CAMTA1: variants seen among roughly 807,000 people sequenced by gnomAD.
CAMTA1 encodes calmodulin-binding transcription activator 1.
Under a neutral mutation model 170.9 loss-of-function variants are expected in CAMTA1, and 27 were observed. The observed-to-expected ratio is 0.16, with a 90% CI of 0.12 to 0.22. CAMTA1 has a LOEUF of 0.22. Ranked by LOEUF, CAMTA1 falls within the 10% of genes least tolerant of loss-of-function variation. The probability of loss-of-function intolerance (pLI) is 1.00; values close to 1 mark genes in which losing one functional copy is unlikely to be tolerated. For synonymous variants in CAMTA1, 833 were observed against 891.5 expected, an observed-to-expected ratio of 0.93 and a Z score of 1.17; for missense variants, 1,619 against 2,217.2, an observed-to-expected ratio of 0.73 and a Z score of 5.42.
At chr1:7,712,662 A>G in intron 11 of CAMTA1, among the ~76,000 whole-genome samples, 1 of 152,212 alleles carries the variant, frequency 6.6e-6, no homozygotes, top group Non-Finnish European at 1.5e-5. Context: ...GAGTGAAAGA[A>G]ATCTTTCTGA....
intron 3 of CAMTA1, among the ~76,000 whole-genome samples, chr1:7,026,215 A>G (rs1460031955): frequency 6.6e-6 from 1 of 152,146 alleles, no homozygotes; most frequent in Non-Finnish European, 1.5e-5. Context: ...AGGGACCTGC[A>G]AGGGATGAAG....
In CAMTA1 at chr1:7,635,118, A is replaced by G. The variant is rs552875341; in HGVS notation, c.511-5282A>G. ...CAGGCCTCCAGGAAAGCAAGGGCTC[A>G]TCTCCAAAGGTCACGATCACTTTGG... On this transcript the variant is annotated intron_variant, in intron 6 of 22. Transcript: ENST00000303635. This position sits in a 1 kb window ranked among gnomAD's most constrained non-coding sequence, Gnocchi z 4.4. Among the ~76,000 whole-genome samples the G allele has an allele frequency of 6.3e-4, 96 of 152,300 alleles. No individual in the cohort carries two copies. Among genetic ancestry groups the G allele is most frequent in the African/African-American group, 2.1e-3 (89 of 41,570 alleles).
chr1:7,480,197 A>C (rs1557782803), intron 6 of CAMTA1, among the ~76,000 whole-genome samples: 1 of 84,020 alleles, frequency 1.2e-5, no homozygotes, highest in Non-Finnish European at 2.1e-5. Context: ...ATGTGTGTGC[A>C]TGTGTGTGAG....
chr1:7,705,363 A>G (rs1229882425), intron 11 of CAMTA1, among the ~76,000 whole-genome samples: 2 of 130,436 alleles, frequency 1.5e-5, no homozygotes, highest in African/African-American at 2.9e-5. Context: ...CGAGGGCGTG[A>G]GGGGCGCGCG....
chr1:7,152,250 C>T (rs541339963), intron 4 of CAMTA1, among the ~76,000 whole-genome samples: 15 of 152,328 alleles, frequency 9.8e-5, no homozygotes, highest in Non-Finnish European at 1.8e-4. Context: ...AGCCCTTTGT[C>T]TCAGCTCTTT....
chr1:7,477,213 C>T (rs1289143537), intron 6 of CAMTA1, among the ~76,000 whole-genome samples: 1 of 152,120 alleles, frequency 6.6e-6, no homozygotes, highest in African/African-American at 2.4e-5. Flanking sequence ...GAAGCCGCCT[C>T]GAAAGCTTCA....
At position 7,737,939 on chromosome 1, in the gene CAMTA1, C is replaced by G; in HGVS notation, c.3659-20C>G. 6.3e-7 allele frequency: 1 copy of G among 1,577,354 alleles called. No homozygotes were observed. Among genetic ancestry groups the G allele is most frequent in the Non-Finnish European group, 8.6e-7 (1 of 1,159,006 alleles). ...AGTTGTATCTCCTGTCCTGACTATCCTTTCTACTGTACTTTTCAGAGCTGA... is the reference window on the plus strand; with the variant it reads ...AGTTGTATCTCCTGTCCTGACTATCGTTTCTACTGTACTTTTCAGAGCTGA... On this transcript the variant is annotated intron_variant, in intron 15 of 22. Transcript: ENST00000303635.
At chr1:6,871,583 T>TA (rs55944233) in intron 3 of CAMTA1, among the ~76,000 whole-genome samples, 22,314 of 151,670 alleles carry the variant, frequency 0.15, 2,045 homozygotes, top group Admixed American at 0.29. Context: ...ATGGTTAAAT[T>TA]AAAAAAAAAT....
chr1:7,393,500 A>G (rs977446714), intron 5 of CAMTA1, among the ~76,000 whole-genome samples: 2 of 151,298 alleles, frequency 1.3e-5, no homozygotes, highest in African/African-American at 4.9e-5. Context: ...CTGGTCTCCA[A>G]CTCCTGGGCT....
chr1:7,306,881 A>G, intron 5 of CAMTA1, among the ~76,000 whole-genome samples: 1 of 152,048 alleles, frequency 6.6e-6, no homozygotes, highest in East Asian at 1.9e-4. Flanking sequence ...AGTAAAAAAT[A>G]CAGTATAACA....
chr1:7,575,051 C>T (rs2095174176), intron 6 of CAMTA1, among the ~76,000 whole-genome samples: 1 of 152,220 alleles, frequency 6.6e-6, no homozygotes, highest in Admixed American at 6.5e-5. Flanking sequence ...CTGTCTGTGC[C>T]TCTGTGGTCT....
intron 6 of CAMTA1, among the ~76,000 whole-genome samples, chr1:7,624,218 G>T (rs1433122134): frequency 1.1e-4 from 16 of 152,228 alleles, no homozygotes; most frequent in Admixed American, 8.5e-4. Flanking sequence ...GTGCAGAGAT[G>T]AGGACCACAG....
intron 9 of CAMTA1, 68 bp from the exon 10 acceptor site, chr1:7,670,843 G>T: frequency 6.4e-7 from 1 of 1,570,810 alleles, no homozygotes; most frequent in African/African-American, 1.3e-5. Context: ...AGCCTCAGGG[G>T]GGCTTCCCCA....
rs372060119 is a variant in CAMTA1 at position 7,681,104 on chromosome 1, C to T, written c.2914+3371C>T. ...GGAGGAATCGCAGCCTTCTGGATCC[C>T]GGAGCTGCAGCGCCTCCCCCAGACC... is the stretch of plus-strand genomic sequence containing the variant. On this transcript the variant is annotated intron_variant, in intron 11 of 22. Transcript: ENST00000303635. This position sits in a 1 kb window ranked among gnomAD's most constrained non-coding sequence, Gnocchi z 4.6. 6.6e-6 allele frequency among the ~76,000 whole-genome samples: 1 copy of T among 152,090 alleles called. No individual in the cohort carries two copies. Among genetic ancestry groups the T allele is most frequent in the Non-Finnish European group, 1.5e-5 (1 of 68,010 alleles).
At chr1:7,281,815 G>GTA (rs947759767) in intron 5 of CAMTA1, among the ~76,000 whole-genome samples, 19 of 151,044 alleles carry the variant, frequency 1.3e-4, no homozygotes, top group Non-Finnish European at 2.5e-4. Context: ...GTGTGTGTGT[G>GTA]TGTGTGTGTG....
intron 5 of CAMTA1, among the ~76,000 whole-genome samples, chr1:7,389,030 C>A (rs1398304162): frequency 6.6e-6 from 1 of 152,210 alleles, no homozygotes; most frequent in African/African-American, 2.4e-5. Flanking sequence ...ACTGAGTAGG[C>A]ACTGCACGGC....
Position 7,557,623 on chromosome 1 carries a change from GT to G in CAMTA1, c.511-82776del, listed in dbSNP as rs147267690. Among the ~76,000 whole-genome samples the G allele has an allele frequency of 2.8e-3, 420 of 152,384 alleles. 15 individuals carry two copies. The East Asian group carries it at 0.071, about 26-fold the overall frequency. ...ATTCATGGCAAGATGCCAGAACTCAGTGGGCGGATTTGGCCCATTTCTCCCC... is the reference window on the plus strand; with the variant it reads ...ATTCATGGCAAGATGCCAGAACTCAGGGGCGGATTTGGCCCATTTCTCCCC... On this transcript the variant is annotated intron_variant, in intron 6 of 22. Coordinates refer to ENST00000303635, the MANE Select transcript of CAMTA1 (RefSeq NM_015215.4).
intron 5 of CAMTA1, among the ~76,000 whole-genome samples, chr1:7,297,814 C>T (rs1021525189): frequency 4.6e-5 from 7 of 152,184 alleles, no homozygotes; most frequent in Non-Finnish European, 8.8e-5. Context: ...AACCACAGTC[C>T]TGAACTGCCT....
intron 3 of CAMTA1, among the ~76,000 whole-genome samples, chr1:7,073,602 GT>G (rs1039061850): frequency 5.8e-4 from 88 of 152,310 alleles, no homozygotes; most frequent in African/African-American, 1.9e-3. Context: ...GAGTGAGCTT[GT>G]TAGAGGCTAA....
Sources: gnomAD v4.1 joint callset for allele counts (sites outside exome capture counted in the v4.1 genomes callset) on GRCh38, gnomAD v4.1.1 for gene constraint, Gnocchi (gnomAD v3.1) non-coding constraint, MANE v1.5 for transcripts, NCBI Gene and HGNC (gene_info 2026-07-23, HGNC 2026-07-21) for gene names.